The following DLGAP1 variants were observed in gnomAD, a reference collection of about 807,000 sequenced individuals.
DLGAP1 encodes DLG associated protein 1, also known as disks large-associated protein 1.
In DLGAP1, 11 loss-of-function variants were observed where a neutral mutation model predicts 90.8. The ratio of observed to expected loss-of-function variants is 0.12; its 90% confidence interval spans 0.08 to 0.20. The LOEUF (loss-of-function observed/expected upper bound fraction) is 0.20. Among genes scored for constraint, DLGAP1 ranks in the 10% least tolerant of loss-of-function variants. The pLI, the probability that DLGAP1 is intolerant of heterozygous loss-of-function variation, is 1.00. For missense variants in DLGAP1, 1,050 were observed against 1,333.8 expected (o/e 0.79, Z 3.31); for synonymous variants, 558 against 540.7 (o/e 1.03, Z -0.44).
chr18:3,761,545 G>C (rs1345898684), intron 5 of DLGAP1, among the ~76,000 whole-genome samples: 2 of 151,606 alleles, frequency 1.3e-5, no homozygotes, highest in Admixed American at 1.3e-4. Context: ...ATGAGTACGA[G>C]TGTATCTGTT....
intron 1 of DLGAP1, among the ~76,000 whole-genome samples, chr18:4,171,918 G>A (rs1327782294): frequency 6.6e-6 from 1 of 152,126 alleles, no homozygotes; most frequent in Admixed American, 6.5e-5. Context: ...TGTTTAAATA[G>A]ACTAGTGACT....
At chr18:3,524,452 C>CTG (rs1340802449) in intron 10 of DLGAP1, among the ~76,000 whole-genome samples, 1 of 152,130 alleles carries the variant, frequency 6.6e-6, no homozygotes, top group Non-Finnish European at 1.5e-5. Flanking sequence ...AATAAGTAGA[C>CTG]TTTAGCTGCT....
intron 3 of DLGAP1, among the ~76,000 whole-genome samples, chr18:3,955,478 G>T (rs1164470540): frequency 6.6e-6 from 1 of 152,094 alleles, no homozygotes; most frequent in African/African-American, 2.4e-5. Flanking sequence ...TTGGGAGGCC[G>T]AGGCGGGTAG....
At chr18:3,760,459 T>C (rs2063915486) in intron 5 of DLGAP1, among the ~76,000 whole-genome samples, 2 of 152,166 alleles carry the variant, frequency 1.3e-5, no homozygotes, top group Admixed American at 1.3e-4. Context: ...TAATCTATCT[T>C]AATACTTCAA....
In DLGAP1 at chr18:3,727,602, T is replaced by G. The variant is rs1745920602; in HGVS notation, c.1591+1533A>C. On this transcript the variant is annotated intron_variant, in intron 7 of 12. Transcript: ENST00000315677. The surrounding 1 kb of genome is among the most constrained non-coding windows in gnomAD (Gnocchi z 4.7). ...CGGGTTGTGTGTTGGGTGGGGGTGG[T>G]GAAAATGGGACACACCAAAAGACAT... 6.6e-6 allele frequency: 1 copy of G among 152,036 alleles called. No homozygotes were observed. The highest frequency in any genetic ancestry group is 2.1e-4 in the South Asian group (1 of 4,814). 9.4% of individuals were successfully genotyped at this position (152,036 alleles called of 1,614,324 possible).
chr18:3,542,594 T>C (rs1177364555), intron 9 of DLGAP1, among the ~76,000 whole-genome samples: 1 of 152,184 alleles, frequency 6.6e-6, no homozygotes, highest in Admixed American at 6.5e-5. Flanking sequence ...ATCCTGGAAT[T>C]CGCTTTCCAG....
chr18:3,749,957 T>C (rs1457917320), intron 5 of DLGAP1, among the ~76,000 whole-genome samples: 1 of 152,218 alleles, frequency 6.6e-6, no homozygotes, highest in African/African-American at 2.4e-5. Flanking sequence ...TGGTTTCTTC[T>C]CTCTCTTTCC....
intron 2 of DLGAP1, among the ~76,000 whole-genome samples, chr18:4,042,438 C>T (rs1467178661): frequency 6.6e-6 from 1 of 152,126 alleles, no homozygotes; most frequent in African/African-American, 2.4e-5. Context: ...TTATTTTTCA[C>T]CAAGATGAAG....
Position 3,727,354 on chromosome 18 carries a change from A to T in DLGAP1, c.1591+1781T>A, listed in dbSNP as rs1272848637. 6.6e-6 allele frequency among the ~76,000 whole-genome samples: 1 copy of T among 152,182 alleles called. No homozygotes were observed. Among genetic ancestry groups the T allele is most frequent in the African/African-American group, 2.4e-5 (1 of 41,438 alleles). ...AATGACAAAAACACGCAAATCTGACAGGTGAGAAGAGAAAAACCATTCCAA... is the reference window on the plus strand; with the variant it reads ...AATGACAAAAACACGCAAATCTGACTGGTGAGAAGAGAAAAACCATTCCAA... On this transcript the variant is annotated intron_variant, in intron 7 of 12. Coordinates refer to ENST00000315677, the MANE Select transcript of DLGAP1 (RefSeq NM_004746.4). The surrounding 1 kb of genome is among the most constrained non-coding windows in gnomAD (Gnocchi z 4.7).
chr18:4,276,016 G>GA (rs749431053), intron 1 of DLGAP1, among the ~76,000 whole-genome samples: 2 of 151,818 alleles, frequency 1.3e-5, no homozygotes, highest in South Asian at 2.1e-4. Flanking sequence ...AGGAGGAGCA[G>GA]AAAAAAGAGA....
At chr18:4,283,783 G>A (rs145006756) in intron 1 of DLGAP1, among the ~76,000 whole-genome samples, 74 of 150,692 alleles carry the variant, frequency 4.9e-4, no homozygotes, top group Non-Finnish European at 9.1e-4. Flanking sequence ...ATTCAATATA[G>A]TTAACAAGTA....
intron 2 of DLGAP1, among the ~76,000 whole-genome samples, chr18:4,125,681 T>C (rs2076221948): frequency 6.6e-6 from 1 of 151,758 alleles, no homozygotes; most frequent in South Asian, 2.1e-4. Context: ...TCCAGGAAGG[T>C]GTGTATTAGG....
intron 1 of DLGAP1, among the ~76,000 whole-genome samples, chr18:4,207,448 G>T (rs1166865342): frequency 6.6e-6 from 1 of 152,156 alleles, no homozygotes; most frequent in Non-Finnish European, 1.5e-5. Context: ...GATGCGATTT[G>T]GGTGGGGACA....
chr18:4,275,746 C>T (rs573355255), intron 1 of DLGAP1, among the ~76,000 whole-genome samples: 1 of 152,224 alleles, frequency 6.6e-6, no homozygotes, highest in Non-Finnish European at 1.5e-5. Context: ...TATGTGTTCA[C>T]TGCTCTCATG....
chr18:3,720,907 A>AAAAAAAAAAAAAAAAT, intron 7 of DLGAP1, among the ~76,000 whole-genome samples: 1 of 150,134 alleles, frequency 6.7e-6, no homozygotes, highest in African/African-American at 2.5e-5. Flanking sequence ...AAAAAAAAAA[A>AAAAAAAAAAAAAAAAT]AATTAGCTGG....
intron 1 of DLGAP1, among the ~76,000 whole-genome samples, chr18:4,427,567 T>C (rs1399130796): frequency 6.6e-6 from 1 of 152,134 alleles, no homozygotes; most frequent in Non-Finnish European, 1.5e-5. Flanking sequence ...AAATTTAGAT[T>C]GAGTCCCTTG....
chr18:3,944,927 T>A (rs1301121478), intron 3 of DLGAP1, among the ~76,000 whole-genome samples: 4 of 152,206 alleles, frequency 2.6e-5, no homozygotes, highest in Admixed American at 2.6e-4. Context: ...TTTACTAACA[T>A]AACAGCCAAG....
chr18:3,763,978 T>C (rs1225201854), intron 5 of DLGAP1, among the ~76,000 whole-genome samples: 2 of 152,188 alleles, frequency 1.3e-5, no homozygotes, highest in Admixed American at 6.5e-5. Flanking sequence ...GTCATTCTTA[T>C]GCAATACATG....
chr18:4,186,461 G>A (rs2077297644), intron 1 of DLGAP1, among the ~76,000 whole-genome samples: 2 of 152,184 alleles, frequency 1.3e-5, no homozygotes, highest in South Asian at 4.1e-4. Context: ...TACATGGTGT[G>A]AGGAAGGGGT....
Sources: gnomAD v4.1 joint callset for allele counts (sites outside exome capture counted in the v4.1 genomes callset) on GRCh38, gnomAD v4.1.1 for gene constraint, Gnocchi (gnomAD v3.1) non-coding constraint, MANE v1.5 for transcripts, NCBI Gene and HGNC (gene_info 2026-07-23, HGNC 2026-07-21) for gene names.